The following PLCE1 variants were observed in gnomAD, a reference collection of about 807,000 sequenced individuals.
The protein encoded by PLCE1 is phospholipase C epsilon 1.
Under a neutral mutation model 242.8 loss-of-function variants are expected in PLCE1, and 119 were observed. The observed-to-expected ratio is 0.49, with a 90% CI of 0.42 to 0.57. The LOEUF (loss-of-function observed/expected upper bound fraction) is 0.57. PLCE1 is among the 20% of genes least tolerant of loss of function. The pLI is 0.00. For synonymous variants in PLCE1, 945 were observed against 1,017.4 expected, an observed-to-expected ratio of 0.93 and a Z score of 1.35; for missense variants, 2,441 against 2,788.8, an observed-to-expected ratio of 0.88 and a Z score of 2.81.
chr10:94,066,306 C>T (rs986080860), intron 2 of PLCE1, among the ~76,000 whole-genome samples: 3 of 152,206 alleles, frequency 2.0e-5, no homozygotes, highest in Admixed American at 6.5e-5. Context: ...GCATCAGGCA[C>T]AATGCTTGGC....
intron 4 of PLCE1, among the ~76,000 whole-genome samples, chr10:94,190,117 T>TA (rs2048611503): frequency 6.6e-6 from 1 of 151,906 alleles, no homozygotes; most frequent in South Asian, 2.1e-4. Flanking sequence ...ACCCCATCTA[T>TA]AAAAAAATAC....
intron 4 of PLCE1, among the ~76,000 whole-genome samples, chr10:94,178,058 A>C (rs2048179173): frequency 1.3e-5 from 2 of 152,054 alleles, no homozygotes; most frequent in African/African-American, 4.8e-5. Context: ...GGGGGTTGGA[A>C]CCCTTCATTG....
At chr10:94,314,525 C>T (rs1246695173) in intron 28 of PLCE1, among the ~76,000 whole-genome samples, 2 of 152,104 alleles carry the variant, frequency 1.3e-5, no homozygotes, top group African/African-American at 4.8e-5. Context: ...ACCCAGGAGG[C>T]AGAGGTTGCA....
chr10:94,212,250 C>A (rs187435242), intron 4 of PLCE1, among the ~76,000 whole-genome samples: 2 of 152,128 alleles, frequency 1.3e-5, no homozygotes, highest in African/African-American at 2.4e-5. Context: ...CCACACCTGG[C>A]TAATTTTTGT....
intron 14 of PLCE1, among the ~76,000 whole-genome samples, chr10:94,263,526 A>G (rs1285715007): frequency 4.0e-5 from 6 of 150,970 alleles, no homozygotes; most frequent in Non-Finnish European, 5.9e-5. Context: ...AAAAAAAAAA[A>G]AAAAGAAAAA....
Position 94,284,832 on chromosome 10 carries a change from A to G in PLCE1, c.4918-16A>G, listed in dbSNP as rs746466173. 1.5e-6 allele frequency: 2 copies of G among 1,373,452 alleles called. No homozygotes were observed. Among genetic ancestry groups the G allele is most frequent in the Non-Finnish European group, 2.1e-6 (2 of 960,402 alleles). The allele number at this position is 1,373,452 out of a possible 1,614,324, so 85.1% of individuals were successfully genotyped here. On this transcript the variant is annotated splice_polypyrimidine_tract_variant and intron_variant, in intron 21 of 32. Coordinates refer to ENST00000371380, the MANE Select transcript of PLCE1 (RefSeq NM_016341.4). ...TATACCTTCCATGTAAAATGGTATC[A>G]TTTTTCCCTTACCAGGTTTATGATA...
At chr10:94,219,843 A>T (rs2049662643) in intron 4 of PLCE1, among the ~76,000 whole-genome samples, 1 of 152,088 alleles carries the variant, frequency 6.6e-6, no homozygotes. Flanking sequence ...CCAAAAAGAG[A>T]TTTAGAGTTT....
chr10:94,252,065 T>C (rs747481172), intron 8 of PLCE1, among the ~76,000 whole-genome samples: 2 of 152,206 alleles, frequency 1.3e-5, no homozygotes, highest in Non-Finnish European at 2.9e-5. Context: ...GAAGTTTTTG[T>C]TCCCCAGTTG....
intron 23 of PLCE1, among the ~76,000 whole-genome samples, chr10:94,294,311 A>T (rs1421195640): frequency 6.6e-6 from 1 of 152,098 alleles, no homozygotes; most frequent in East Asian, 1.9e-4. Context: ...GAAAGTAATA[A>T]ATTCTTGTAG....
At chr10:94,093,934 CT>C (rs398046178) in intron 2 of PLCE1, among the ~76,000 whole-genome samples, 798 of 79,144 alleles carry the variant, frequency 0.01, 1 homozygote, top group African/African-American at 0.038. Context: ...ATCGGTATTT[CT>C]TTTTTTTTTT....
chr10:94,318,368 T>C (rs1167488913), intron 29 of PLCE1, among the ~76,000 whole-genome samples: 1 of 152,246 alleles, frequency 6.6e-6, no homozygotes, highest in Non-Finnish European at 1.5e-5. Context: ...AAAAAGTATG[T>C]ATCCTCTAAG....
At chr10:94,257,836 G>T (rs543475298) in intron 11 of PLCE1, among the ~76,000 whole-genome samples, 1 of 152,162 alleles carries the variant, frequency 6.6e-6, no homozygotes, top group East Asian at 1.9e-4. Flanking sequence ...CGAGTTAATG[G>T]GTGCAGCATA....
intron 2 of PLCE1, among the ~76,000 whole-genome samples, chr10:94,080,716 A>G (rs1450100931): frequency 6.6e-6 from 1 of 152,220 alleles, no homozygotes. Context: ...AAACAGAGTT[A>G]TCCAGGCACT....
intron 4 of PLCE1, among the ~76,000 whole-genome samples, chr10:94,222,206 G>T (rs56658237): frequency 0.027 from 4,069 of 152,266 alleles, 106 homozygotes; most frequent in African/African-American, 0.073. Flanking sequence ...GCAGATCCAT[G>T]CAGTGGTGAG....
intron 4 of PLCE1, among the ~76,000 whole-genome samples, chr10:94,173,375 A>T (rs888044171): frequency 6.6e-6 from 1 of 152,164 alleles, no homozygotes; most frequent in Non-Finnish European, 1.5e-5. Context: ...TTTAAAAATA[A>T]AACTCCTGAT....
chr10:94,133,615 C>A (rs2046675825), intron 3 of PLCE1, among the ~76,000 whole-genome samples: 1 of 152,338 alleles, frequency 6.6e-6, no homozygotes, highest in South Asian at 2.1e-4. Context: ...CACACACACA[C>A]CCCTAGACAG....
intron 8 of PLCE1, among the ~76,000 whole-genome samples, chr10:94,251,133 A>C (rs1486507598): frequency 6.6e-6 from 1 of 152,164 alleles, no homozygotes; most frequent in Non-Finnish European, 1.5e-5. Flanking sequence ...TGGAGAATAG[A>C]CAGTTAAAGT....
chr10:94,262,727 A>G lies in PLCE1; in HGVS notation c.4048A>G (p.Ile1350Val), dbSNP rs1232980375. 6.2e-7 allele frequency: 1 copy of G among 1,609,424 alleles called. No homozygotes were observed. Among genetic ancestry groups the G allele is most frequent in the South Asian group, 1.1e-5 (1 of 91,012 alleles). The change falls in exon 14 of 33, where the codon ATC becomes GTC. Residue 1350 changes from isoleucine (I) to valine (V), a missense_variant. Physicochemically the swap from Ile to Val is conservative, Grantham distance 29. Transcript: ENST00000371380. ...CACTTATGATGAAATCCTCAGCATC[A>G]TCCAGGTTTGTGCCTGTTTTGTGTG... is the stretch of plus-strand genomic sequence containing the variant. ...HCTYDEILSIIQKFEPSISMC... is the reference protein window; with the variant it reads ...HCTYDEILSIVQKFEPSISMC...
At chr10:94,167,669 C>G (rs1178834823) in intron 3 of PLCE1, among the ~76,000 whole-genome samples, 1 of 121,158 alleles carries the variant, frequency 8.3e-6, no homozygotes, top group East Asian at 3.0e-4. Context: ...TCCCTCCCCC[C>G]TCCCCCCACC....
Sources: allele counts gnomAD v4.1 joint callset (sites outside exome capture counted in the v4.1 genomes callset), GRCh38; gene constraint gnomAD v4.1.1; transcripts MANE v1.5; gene names NCBI Gene and HGNC (gene_info 2026-07-23, HGNC 2026-07-21).